LRP1B: variants seen among roughly 807,000 people sequenced by gnomAD.
LRP1B encodes the protein LDL receptor related protein 1B, also known as low-density lipoprotein receptor-related protein 1B.
LRP1B carries 217 observed loss-of-function variants against 556.6 expected under a neutral mutation model. The observed-to-expected ratio is 0.39, with a 90% CI of 0.35 to 0.44. LRP1B has a LOEUF of 0.44. Among genes scored for constraint, LRP1B ranks in the 20% least tolerant of loss-of-function variants. LRP1B has a pLI of 1.00. For synonymous variants in LRP1B, 2,047 were observed against 1,865.8 expected (o/e 1.10, Z -2.50); for missense variants, 5,053 against 5,620.8 (o/e 0.90, Z 3.23).
intron 77 of LRP1B, among the ~76,000 whole-genome samples, chr2:140,340,720 C>A (rs1386729492): frequency 6.6e-6 from 1 of 151,102 alleles, no homozygotes; most frequent in Non-Finnish European, 1.5e-5. Flanking sequence ...CATTACATAT[C>A]CAAAGTTTTG....
intron 11 of LRP1B, among the ~76,000 whole-genome samples, chr2:141,025,321 A>C (rs941839012): frequency 6.6e-6 from 1 of 152,080 alleles, no homozygotes; most frequent in Non-Finnish European, 1.5e-5. Flanking sequence ...TATTGTTCTT[A>C]TGGGAATTCT....
chr2:141,393,434 C>T (rs1055583878), intron 3 of LRP1B, among the ~76,000 whole-genome samples: 4 of 152,134 alleles, frequency 2.6e-5, no homozygotes, highest in Non-Finnish European at 5.9e-5. Context: ...ATTTCCCAGG[C>T]CCAATTAGCA....
In LRP1B at chr2:140,530,502, C is replaced by G. The variant is rs75106406; in HGVS notation, c.7762+3519G>C. Among the ~76,000 whole-genome samples, 76 of 152,126 alleles carry G rather than the reference C, an allele frequency of 5.0e-4. 1 individual carries two copies. The East Asian group carries it at 8.7e-3, about 17-fold the overall frequency. ...TGGGTTATGGACCCAGGGAAGTCTT[C>G]CTTCTATATCTTGAAAGGTACTCTA... On this transcript the variant is annotated intron_variant, in intron 47 of 90. Coordinates refer to ENST00000389484, the MANE Select transcript of LRP1B (RefSeq NM_018557.3).
intron 3 of LRP1B, among the ~76,000 whole-genome samples, chr2:141,292,193 C>T (rs1470671497): frequency 1.3e-5 from 2 of 152,136 alleles, no homozygotes; most frequent in Non-Finnish European, 2.9e-5. Flanking sequence ...AATCTAATGC[C>T]TGATGATCTG....
At chr2:141,491,102 T>C (rs1357817550) in intron 2 of LRP1B, among the ~76,000 whole-genome samples, 2 of 152,092 alleles carry the variant, frequency 1.3e-5, no homozygotes, top group African/African-American at 4.8e-5. Flanking sequence ...ATAATAAAAG[T>C]ACTTTTGTTT....
At chr2:141,907,774 C>CA (rs974009581) in intron 1 of LRP1B, among the ~76,000 whole-genome samples, 1 of 151,870 alleles carries the variant, frequency 6.6e-6, no homozygotes, top group Non-Finnish European at 1.5e-5. Context: ...TATTGTAGTG[C>CA]AAAAATGGAC....
intron 1 of LRP1B, among the ~76,000 whole-genome samples, chr2:141,874,488 C>T (rs1261000516): frequency 2.0e-5 from 3 of 151,882 alleles, no homozygotes; most frequent in Admixed American, 2.0e-4. Flanking sequence ...ATTATGATAT[C>T]AGCCATTGCT....
intron 2 of LRP1B, among the ~76,000 whole-genome samples, chr2:141,625,704 T>G (rs946122695): frequency 1.3e-5 from 2 of 152,178 alleles, no homozygotes; most frequent in African/African-American, 4.8e-5. Flanking sequence ...TATTTTAAAC[T>G]TGTAGTTACT....
intron 25 of LRP1B, 99 bp downstream of exon 25, chr2:140,883,718 C>A: frequency 1.3e-5 from 6 of 458,506 alleles, no homozygotes; most frequent in East Asian, 7.9e-5. Context: ...CACAAAATAA[C>A]CACTTTGACT....
intron 2 of LRP1B, among the ~76,000 whole-genome samples, chr2:141,554,862 C>G (rs1317758438): frequency 6.6e-6 from 1 of 151,950 alleles, no homozygotes; most frequent in Non-Finnish European, 1.5e-5. Context: ...AATGCAAATT[C>G]TTGAGTCCCT....
chr2:142,024,088 T>A (rs886720416), intron 1 of LRP1B, among the ~76,000 whole-genome samples: 1 of 152,224 alleles, frequency 6.6e-6, no homozygotes, highest in Non-Finnish European at 1.5e-5. Flanking sequence ...CATGCATGTT[T>A]GTAGCCTCCT....
chr2:141,072,528 C>G (rs766883636), intron 7 of LRP1B, among the ~76,000 whole-genome samples: 4 of 152,096 alleles, frequency 2.6e-5, no homozygotes, highest in Non-Finnish European at 4.4e-5. Context: ...TTTGTCTTCA[C>G]CAGAAATTAC....
At chr2:141,334,178 T>C (rs1378146205) in intron 3 of LRP1B, among the ~76,000 whole-genome samples, 1 of 152,216 alleles carries the variant, frequency 6.6e-6, no homozygotes, top group Admixed American at 6.5e-5. Context: ...TCTGTGTCCC[T>C]AGCCAAATCT....
At chr2:141,286,531 A>C (rs1255876897) in intron 3 of LRP1B, among the ~76,000 whole-genome samples, 1 of 152,172 alleles carries the variant, frequency 6.6e-6, no homozygotes, top group Non-Finnish European at 1.5e-5. Context: ...AGTTTGTGTA[A>C]GATTTTAATG....
In LRP1B at chr2:141,753,263, CATATAT is replaced by C. The variant is rs144027196; in HGVS notation, c.205+57010_205+57015del. 3.7e-4 allele frequency among the ~76,000 whole-genome samples: 23 copies of C among 62,550 alleles called. 2 individuals are homozygous for C. Among genetic ancestry groups the C allele is most frequent in the East Asian group, 3.4e-3 (7 of 2,064 alleles). 41.0% of individuals were successfully genotyped at this position (62,550 alleles called of 152,430 possible). On this transcript the variant is annotated intron_variant, in intron 2 of 90. Coordinates refer to ENST00000389484, the MANE Select transcript of LRP1B (RefSeq NM_018557.3). Reference sequence around the variant, plus strand: ...AACACACACACTCTCTCTCTCTCTCCATATATATATATATATATATCCCAGATGATT... The same window carrying C: ...AACACACACACTCTCTCTCTCTCTCCATATATATATATATCCCAGATGATT...
At position 142,070,129 on chromosome 2, in the gene LRP1B, A is replaced by G. The variant is rs144840327; in HGVS notation, c.82+60519T>C. ...CAACAACCCGTTTGCAAACACATCA[A>G]TAAAACTCTTCTTTTTCATTTAGGT... is the stretch of plus-strand genomic sequence containing the variant. On this transcript the variant is annotated intron_variant, in intron 1 of 90. Coordinates refer to ENST00000389484, the MANE Select transcript of LRP1B (RefSeq NM_018557.3). 5.9e-5 allele frequency among the ~76,000 whole-genome samples: 9 copies of G among 151,928 alleles called. No individual in the cohort carries two copies. In the East Asian group the frequency reaches 9.7e-4, roughly 16 times the overall value.
Position 140,702,298 on chromosome 2 carries a change from T to C in LRP1B, c.6151-6A>G. ...CACCAGTACAATTTATTTTCCTAAA[T>C]ATCGATTAAGAAGTAACGTTACAGA... is the stretch of plus-strand genomic sequence containing the variant. On this transcript the variant is annotated splice_polypyrimidine_tract_variant and splice_region_variant and intron_variant, in intron 38 of 90. Coordinates refer to ENST00000389484, the MANE Select transcript of LRP1B (RefSeq NM_018557.3). 1 of 1,612,762 alleles carries C rather than the reference T, an allele frequency of 6.2e-7. No individual in the cohort carries two copies. The highest frequency in any genetic ancestry group is 8.5e-7 in the Non-Finnish European group (1 of 1,179,350).
At chr2:140,368,700 T>C (rs1476667783) in intron 71 of LRP1B, among the ~76,000 whole-genome samples, 1 of 151,870 alleles carries the variant, frequency 6.6e-6, no homozygotes, top group Non-Finnish European at 1.5e-5. Flanking sequence ...AACACTCAGC[T>C]CCTATAAGCT....
intron 3 of LRP1B, among the ~76,000 whole-genome samples, chr2:141,302,603 A>G (rs1296573239): frequency 6.6e-6 from 1 of 152,066 alleles, no homozygotes; most frequent in Non-Finnish European, 1.5e-5. Context: ...AAAGCTAACT[A>G]ACTGTACTAT....
Sources: allele counts gnomAD v4.1 joint callset (sites outside exome capture counted in the v4.1 genomes callset), GRCh38; gene constraint gnomAD v4.1.1; transcripts MANE v1.5; gene names NCBI Gene and HGNC (gene_info 2026-07-23, HGNC 2026-07-21).